ARMC2: variants seen among roughly 807,000 people sequenced by gnomAD.
ARMC2 encodes the protein armadillo repeat-containing protein 2.
In ARMC2, 67 loss-of-function variants were observed where a neutral mutation model predicts 90.3. That is an observed-to-expected ratio of 0.74 (90% CI 0.61 to 0.91). The LOEUF is 0.91. Among genes scored for constraint, ARMC2 ranks in the 40% least tolerant of loss-of-function variants. The pLI, the probability that ARMC2 is intolerant of heterozygous loss-of-function variation, is 0.00. For missense variants in ARMC2, 920 were observed against 1,030.9 expected, an observed-to-expected ratio of 0.89 and a Z score of 1.47; for synonymous variants, 393 against 393.0, an observed-to-expected ratio of 1.00 and a Z score of 0.00.
At chr6:108,913,034 A>C (rs1314378444) in intron 10 of ARMC2, among the ~76,000 whole-genome samples, 1 of 152,148 alleles carries the variant, frequency 6.6e-6, no homozygotes, top group African/African-American at 2.4e-5. Context: ...AGACTGTAGG[A>C]ATGCAGGGAA....
At chr6:108,886,993 C>T (rs949463539) in intron 5 of ARMC2, among the ~76,000 whole-genome samples, 3 of 151,626 alleles carry the variant, frequency 2.0e-5, no homozygotes, top group Admixed American at 6.6e-5. Flanking sequence ...CTGCAACCTC[C>T]GCCTCCCAGG....
chr6:108,890,917 C>G (rs369447214), intron 5 of ARMC2, among the ~76,000 whole-genome samples: 7 of 148,908 alleles, frequency 4.7e-5, no homozygotes, highest in South Asian at 2.2e-4. Context: ...CCCCCCACCC[C>G]CCGACAGGCC....
the ARMC2 span, among the ~76,000 whole-genome samples, chr6:108,989,477 GTA>G: frequency 7.2e-6 from 1 of 139,232 alleles, no homozygotes. Context: ...AGAAATATCT[GTA>G]TATATATCTC....
chr6:108,950,290 A>T (rs577634518), intron 12 of ARMC2, among the ~76,000 whole-genome samples: 24 of 152,346 alleles, frequency 1.6e-4, no homozygotes, highest in African/African-American at 5.8e-4. Flanking sequence ...AAGGAATATA[A>T]ATAAATCATT....
In ARMC2 at chr6:108,858,753, C is replaced by G. The variant is rs183542454; in HGVS notation, c.291+482C>G. 5.9e-3 allele frequency among the ~76,000 whole-genome samples: 897 copies of G among 152,190 alleles called. 3 individuals are homozygous for G. Among genetic ancestry groups the G allele is most frequent in the Non-Finnish European group, 0.01 (690 of 68,004 alleles). ...TAACAAAAATCCAATGGTCTCCTGT[C>G]CCCTTGTTCTTCATTGTTCCCTCCT... On this transcript the variant is annotated intron_variant, in intron 3 of 17. Coordinates refer to ENST00000392644, the MANE Select transcript of ARMC2 (RefSeq NM_032131.6).
chr6:108,870,209 A>G (rs1486742203), intron 4 of ARMC2, among the ~76,000 whole-genome samples: 1 of 152,208 alleles, frequency 6.6e-6, no homozygotes, highest in Non-Finnish European at 1.5e-5. Context: ...CCTGAGCATC[A>G]TACTTGACAG....
intron 7 of ARMC2, among the ~76,000 whole-genome samples, chr6:108,903,676 A>G (rs1772382297): frequency 1.3e-5 from 2 of 152,246 alleles, no homozygotes; most frequent in African/African-American, 2.4e-5. Flanking sequence ...CACTGGTCAT[A>G]TAACACAACA....
the ARMC2 span, among the ~76,000 whole-genome samples, chr6:109,016,675 T>G: frequency 6.6e-6 from 1 of 152,304 alleles, no homozygotes; most frequent in East Asian, 1.9e-4. Context: ...TAGGGGACTA[T>G]AGTTCATCAA....
intron 15 of ARMC2, among the ~76,000 whole-genome samples, chr6:108,963,441 C>T (rs762137645): frequency 6.6e-5 from 10 of 152,190 alleles, no homozygotes; most frequent in Non-Finnish European, 1.3e-4. Context: ...CACATATGTA[C>T]GTGATGTTGC....
chr6:108,883,603 A>C (rs935082046), intron 5 of ARMC2, among the ~76,000 whole-genome samples: 4 of 152,198 alleles, frequency 2.6e-5, no homozygotes, highest in African/African-American at 9.6e-5. Context: ...TAGTTGAAAA[A>C]ATAATGATTT....
the ARMC2 span, among the ~76,000 whole-genome samples, chr6:109,028,979 T>C: frequency 3.3e-3 from 500 of 152,310 alleles, no homozygotes; most frequent in African/African-American, 9.6e-3. Context: ...AACTGTCTCA[T>C]AGAGATTTAG....
At chr6:108,876,512 G>A (rs1007042789) in intron 5 of ARMC2, among the ~76,000 whole-genome samples, 162 bp downstream of exon 5, 3 of 152,152 alleles carry the variant, frequency 2.0e-5, no homozygotes, top group African/African-American at 7.2e-5. Flanking sequence ...ATGGCCAAAT[G>A]GAGTTGATTT....
intron 17 of ARMC2, among the ~76,000 whole-genome samples, chr6:108,970,305 C>T (rs1778673573): frequency 6.6e-6 from 1 of 151,896 alleles, no homozygotes; most frequent in South Asian, 2.1e-4. Flanking sequence ...ATGGTCTTGA[C>T]ATTAGATTTT....
At chr6:108,996,075 C>T in the ARMC2 span, among the ~76,000 whole-genome samples, 1 of 152,160 alleles carries the variant, frequency 6.6e-6, no homozygotes, top group South Asian at 2.1e-4. Context: ...GCTCCCTTCC[C>T]AGACCAAACC....
the ARMC2 span, among the ~76,000 whole-genome samples, chr6:108,993,301 A>G: frequency 6.6e-6 from 1 of 152,248 alleles, no homozygotes; most frequent in South Asian, 2.1e-4. Flanking sequence ...TTAATGACAT[A>G]TAATATGTAA....
chr6:108,904,189 C>T, intron 7 of ARMC2, 41 bp from the exon 8 acceptor site: 1 of 1,598,568 alleles, frequency 6.3e-7, no homozygotes, highest in South Asian at 1.1e-5. Flanking sequence ...GAAACTTAAC[C>T]TTAATTAGTA....
rs141354904 is a variant in ARMC2, at chr6:108,955,957, T to C, written c.1915+2606T>C. Reference sequence around the variant, plus strand: ...CTGGCCCCTGCCCAGAAACTGCCTCTGTAAAATGCCATTAGAGTCTTGAAA... The same window carrying C: ...CTGGCCCCTGCCCAGAAACTGCCTCCGTAAAATGCCATTAGAGTCTTGAAA... On this transcript the variant is annotated intron_variant, in intron 13 of 17. Transcript: ENST00000392644. Among the ~76,000 whole-genome samples the C allele has an allele frequency of 9.0e-3, 1,376 of 152,312 alleles. 15 individuals carry two copies. The highest frequency in any genetic ancestry group is 0.032 in the African/African-American group (1,345 of 41,564).
chr6:109,001,846 G>A, the ARMC2 span, among the ~76,000 whole-genome samples: 1 of 152,086 alleles, frequency 6.6e-6, no homozygotes, highest in Non-Finnish European at 1.5e-5. Flanking sequence ...AATTTAAGGA[G>A]AACTAAAATT....
the ARMC2 span, among the ~76,000 whole-genome samples, chr6:109,038,828 G>A: frequency 6.6e-6 from 1 of 151,770 alleles, no homozygotes; most frequent in Non-Finnish European, 1.5e-5. Flanking sequence ...GACGGCAATT[G>A]GGGCAGAAAG....
Sources: allele counts gnomAD v4.1 joint callset (sites outside exome capture counted in the v4.1 genomes callset), GRCh38; gene constraint gnomAD v4.1.1; transcripts MANE v1.5; gene names NCBI Gene and HGNC (gene_info 2026-07-23, HGNC 2026-07-21).